ANO2: variants seen among roughly 807,000 people sequenced by gnomAD.
The protein encoded by ANO2 is anoctamin 2.
In ANO2, 101 loss-of-function variants were observed where a neutral mutation model predicts 124.2. The ratio of observed to expected loss-of-function variants is 0.81; its 90% CI spans 0.69 to 0.96. The LOEUF (loss-of-function observed/expected upper bound fraction) is 0.96. Ranked by LOEUF, ANO2 falls within the 40% of genes least tolerant of loss-of-function variation. The probability of loss-of-function intolerance (pLI) is 0.00; values close to 1 mark genes in which losing one functional copy is unlikely to be tolerated. For synonymous variants in ANO2, 486 were observed against 482.5 expected (o/e 1.01, Z -0.09); for missense variants, 1,293 against 1,274.5 (o/e 1.01, Z -0.22).
chr12:5,842,592 G>T (rs1954548138), intron 4 of ANO2, among the ~76,000 whole-genome samples: 8 of 152,190 alleles, frequency 5.3e-5, no homozygotes, highest in Non-Finnish European at 1.5e-5. Context: ...TGGTGTGCAT[G>T]ACTCACTCTT....
intron 7 of ANO2, among the ~76,000 whole-genome samples, chr12:5,815,250 C>T (rs1953567376): frequency 6.6e-6 from 1 of 152,216 alleles, no homozygotes; most frequent in African/African-American, 2.4e-5. Context: ...TTCTAATGAG[C>T]TTGTTTTTCC....
intron 20 of ANO2, 100 bp downstream of exon 20, chr12:5,599,384 G>A (rs1943816807): frequency 7.3e-7 from 1 of 1,373,774 alleles, no homozygotes; most frequent in Non-Finnish European, 9.9e-7. Context: ...AGCAGAGGCT[G>A]TCCCAGTCAT....
At chr12:5,718,804 C>T (rs946795302) in intron 14 of ANO2, among the ~76,000 whole-genome samples, 5 of 152,212 alleles carry the variant, frequency 3.3e-5, no homozygotes, top group Non-Finnish European at 7.3e-5. Context: ...GTGCTTCATG[C>T]AGTGGCTGTA....
At chr12:5,775,276 C>A (rs1341417550) in intron 10 of ANO2, among the ~76,000 whole-genome samples, 2 of 151,876 alleles carry the variant, frequency 1.3e-5, no homozygotes, top group East Asian at 3.9e-4. Flanking sequence ...TACGTGCACA[C>A]ACACAGAGAG....
intron 14 of ANO2, among the ~76,000 whole-genome samples, chr12:5,709,295 C>T (rs1477778725): frequency 6.6e-6 from 1 of 152,214 alleles, no homozygotes; most frequent in Non-Finnish European, 1.5e-5. Context: ...ATACTCTCCA[C>T]TATACTCTCC....
chr12:5,855,970 CAA>C (rs1157545409), intron 3 of ANO2, among the ~76,000 whole-genome samples: 1 of 152,196 alleles, frequency 6.6e-6, no homozygotes, highest in African/African-American at 2.4e-5. Context: ...ATCGTTCTGA[CAA>C]AATACTGAAA....
At chr12:5,732,777 G>T in intron 13 of ANO2, 147 bp from the exon 14 acceptor site, 2 of 1,575,560 alleles carry the variant, frequency 1.3e-6, no homozygotes, top group African/African-American at 1.3e-5. Context: ...CAATCACAAG[G>T]CATCTAGACA....
In ANO2 at chr12:5,635,323, A is replaced by G; in HGVS notation, c.1645T>C (p.Phe549Leu). The G allele has an allele frequency of 1.3e-6, 2 of 1,585,998 alleles. No individual in the cohort carries two copies. Among genetic ancestry groups the G allele is most frequent in the Non-Finnish European group, 1.7e-6 (2 of 1,169,906 alleles). The change falls in exon 16 of 25, where the codon TTT (phenylalanine) becomes CTT (leucine). Residue 549 changes from phenylalanine (F) to leucine (L), a missense_variant. Transcript: ENST00000682330. This position sits in a 1 kb window ranked among gnomAD's most constrained non-coding sequence, Gnocchi z 5.2. ...GTTATTCGATACACTATCACCCCAAAGACGATTGAGAATGTCAGGGCAATC... is the reference window on the plus strand; with the variant it reads ...GTTATTCGATACACTATCACCCCAAGGACGATTGAGAATGTCAGGGCAATC... ...FMIALTFSIVFGVIVYRITTA... is the reference protein window; with the variant it reads ...FMIALTFSIVLGVIVYRITTA...
intron 14 of ANO2, among the ~76,000 whole-genome samples, chr12:5,728,712 AGAG>A (rs1392920100): frequency 6.6e-6 from 1 of 152,228 alleles, no homozygotes; most frequent in Non-Finnish European, 1.5e-5. Flanking sequence ...GTACAAAGTC[AGAG>A]GACTCATACC....
intron 1 of ANO2, among the ~76,000 whole-genome samples, chr12:5,940,583 G>A (rs111628420): frequency 0.048 from 7,348 of 152,190 alleles, 196 homozygotes; most frequent in South Asian, 0.11. Context: ...ACTACTTCAC[G>A]TCCATGAGGA....
chr12:5,670,318 T>C (rs749770186), intron 14 of ANO2, among the ~76,000 whole-genome samples: 7 of 152,232 alleles, frequency 4.6e-5, no homozygotes, highest in South Asian at 2.1e-4. Context: ...ATGTGTTAGA[T>C]ACTCTGGAGG....
intron 23 of ANO2, among the ~76,000 whole-genome samples, chr12:5,573,041 G>T (rs1942214403): frequency 6.6e-6 from 1 of 152,108 alleles, no homozygotes; most frequent in African/African-American, 2.4e-5. Context: ...GGTTGTTTTG[G>T]CTGAGTAGCA....
Position 5,807,396 on chromosome 12 carries a change from T to C in ANO2, c.893-28A>G, listed in dbSNP as rs1228967080. 4 of 1,545,194 alleles carry C rather than the reference T, an allele frequency of 2.6e-6. No homozygotes were observed. The African/African-American group carries it at 4.1e-5, about 16-fold the overall frequency. On this transcript the variant is annotated intron_variant, in intron 7 of 24. Coordinates refer to ENST00000682330, the MANE Select transcript of ANO2 (RefSeq NM_001364791.2). ...ACGGAAGAAAGGGAGATGAAAATAG[T>C]AACTCTGGGGCAAGCGTTTCTCAAC...
chr12:5,610,685 C>A (rs1384513483), intron 19 of ANO2, among the ~76,000 whole-genome samples: 1 of 131,002 alleles, frequency 7.6e-6, no homozygotes, highest in African/African-American at 2.9e-5. Context: ...TGTCAGGAAC[C>A]TGGCAAGGGC....
chr12:5,721,440 G>A (rs1055288409), intron 14 of ANO2, among the ~76,000 whole-genome samples: 6 of 150,580 alleles, frequency 4.0e-5, no homozygotes, highest in African/African-American at 1.5e-4. Context: ...GCTCTTGGCT[G>A]TCTGCTTTAC....
intron 14 of ANO2, among the ~76,000 whole-genome samples, chr12:5,684,218 T>G (rs1055019858): frequency 2.0e-5 from 3 of 152,120 alleles, no homozygotes; most frequent in African/African-American, 7.2e-5. Context: ...CCACCAGAAA[T>G]GCCAGCTGCT....
Position 5,563,108 on chromosome 12 carries a change from T to C in ANO2, c.*191A>G, listed in dbSNP as rs1941526521. The C allele has an allele frequency of 3.8e-6, 3 of 794,608 alleles. No homozygotes were observed. The highest frequency in any genetic ancestry group is 5.9e-5 in the Admixed American group (2 of 33,918). 49.2% of individuals were successfully genotyped at this position (794,608 alleles called of 1,614,324 possible). On this transcript the variant is annotated 3_prime_UTR_variant, in exon 25 of 25. Coordinates refer to ENST00000682330, the MANE Select transcript of ANO2 (RefSeq NM_001364791.2). ...AAACTTAAGCTTGAAGTTTCTGAGA[T>C]GTAGCATCATTTCTCTTCCTTCCTA...
At chr12:5,675,061 T>C (rs1436015378) in intron 14 of ANO2, among the ~76,000 whole-genome samples, 7 of 152,066 alleles carry the variant, frequency 4.6e-5, no homozygotes, top group Non-Finnish European at 1.0e-4. Flanking sequence ...TCCCCAAACC[T>C]ACAACAGTTC....
chr12:5,828,709 A>G (rs1334931919), intron 6 of ANO2, among the ~76,000 whole-genome samples: 1 of 152,200 alleles, frequency 6.6e-6, no homozygotes, highest in Non-Finnish European at 1.5e-5. Context: ...CATGGGAGGA[A>G]AGGGGTGCTT....
Sources: gnomAD v4.1 joint callset for allele counts (sites outside exome capture counted in the v4.1 genomes callset) on GRCh38, gnomAD v4.1.1 for gene constraint, Gnocchi (gnomAD v3.1) non-coding constraint, MANE v1.5 for transcripts, NCBI Gene and HGNC (gene_info 2026-07-23, HGNC 2026-07-21) for gene names.